The following USP34 variants were observed in gnomAD, a reference collection of about 807,000 sequenced individuals.
The protein encoded by USP34 is ubiquitin carboxyl-terminal hydrolase 34.
In USP34, 70 loss-of-function variants were observed where a neutral mutation model predicts 460.3. The ratio of observed to expected loss-of-function variants is 0.15; its 90% confidence interval spans 0.13 to 0.19. The LOEUF is 0.19. Among genes scored for constraint, USP34 ranks in the 10% least tolerant of loss-of-function variants. The probability of loss-of-function intolerance (pLI) is 1.00; values close to 1 mark genes in which losing one functional copy is unlikely to be tolerated. For missense variants in USP34, 3,985 were observed against 4,236.2 expected (o/e 0.94, Z 1.65); for synonymous variants, 1,647 against 1,405.3 (o/e 1.17, Z -3.85).
intron 2 of USP34, among the ~76,000 whole-genome samples, chr2:61,408,038 C>T (rs1328802633): frequency 6.6e-5 from 10 of 152,138 alleles, no homozygotes; most frequent in South Asian, 4.2e-4. Flanking sequence ...TCACTTGAAC[C>T]GGGGAAACAA....
chr2:61,364,973 G>A (rs1263884150), intron 10 of USP34, among the ~76,000 whole-genome samples: 2 of 150,022 alleles, frequency 1.3e-5, no homozygotes, highest in East Asian at 3.9e-4. Context: ...AAATAAATAG[G>A]CTGGGTGTGG....
chr2:61,211,057 CCT>C (rs2103785607), intron 69 of USP34, among the ~76,000 whole-genome samples: 1 of 152,068 alleles, frequency 6.6e-6, no homozygotes, highest in Non-Finnish European at 1.5e-5. Context: ...AGTTAATTTC[CCT>C]GTTTACTAAT....
At chr2:61,282,992 T>C (rs1440898157) in intron 37 of USP34, among the ~76,000 whole-genome samples, 153 bp downstream of exon 37, 2 of 152,204 alleles carry the variant, frequency 1.3e-5, no homozygotes, top group East Asian at 3.8e-4. Context: ...TTGTACATAG[T>C]TCAAAACACT....
chr2:61,226,465 T>A (rs979295810), intron 62 of USP34, among the ~76,000 whole-genome samples: 9 of 151,776 alleles, frequency 5.9e-5, no homozygotes, highest in African/African-American at 1.2e-4. Flanking sequence ...ACATACACAC[T>A]CTCTCTCTCT....
At chr2:61,309,998 T>C (rs1041771293) in intron 27 of USP34, among the ~76,000 whole-genome samples, 20 of 150,928 alleles carry the variant, frequency 1.3e-4, no homozygotes, top group Non-Finnish European at 2.1e-4. Context: ...TTCACAAAAC[T>C]AAATAAAAAC....
At chr2:61,285,837 T>A (rs891721060) in intron 34 of USP34, among the ~76,000 whole-genome samples, 4 of 152,212 alleles carry the variant, frequency 2.6e-5, no homozygotes, top group African/African-American at 9.6e-5. Flanking sequence ...GGCTACATGA[T>A]CCTAATATAT....
intron 8 of USP34, among the ~76,000 whole-genome samples, chr2:61,376,071 C>T (rs1048537367): frequency 6.6e-6 from 1 of 152,020 alleles, no homozygotes; most frequent in East Asian, 1.9e-4. Flanking sequence ...GTACTGGCTA[C>T]AAATGGGCAA....
intron 1 of USP34, among the ~76,000 whole-genome samples, chr2:61,445,960 A>G (rs1300834003): frequency 6.6e-6 from 1 of 151,642 alleles, no homozygotes; most frequent in Non-Finnish European, 1.5e-5. Flanking sequence ...AAAAAAAAAA[A>G]GTAATTAGTC....
In USP34 at chr2:61,429,434, G is replaced by A. The variant is rs371462629; in HGVS notation, c.44-8601C>T. ...TGCACTCCAGCCTGGGCAACAGAGC[G>A]AGACTCCGTCTCAAAAAATAAAATA... On this transcript the variant is annotated intron_variant, in intron 1 of 79. Coordinates refer to ENST00000398571, the MANE Select transcript of USP34 (RefSeq NM_014709.4). Among the ~76,000 whole-genome samples, 219 of 152,262 alleles carry A rather than the reference G, an allele frequency of 1.4e-3. 1 individual carries two copies. Among genetic ancestry groups the A allele is most frequent in the African/African-American group, 4.5e-3 (188 of 41,570 alleles).
At chr2:61,424,333 G>C (rs1289338550) in intron 1 of USP34, among the ~76,000 whole-genome samples, 1 of 152,154 alleles carries the variant, frequency 6.6e-6, no homozygotes, top group Non-Finnish European at 1.5e-5. Context: ...AAAAGGTACA[G>C]TAAAAATTAT....
intron 20 of USP34, 59 bp downstream of exon 20, chr2:61,331,214 AATC>A: frequency 2.1e-6 from 3 of 1,398,646 alleles, no homozygotes; most frequent in Non-Finnish European, 2.0e-6. Flanking sequence ...AACACTGGAA[AATC>A]ATCTTTCAAA....
intron 57 of USP34, among the ~76,000 whole-genome samples, chr2:61,235,285 A>T (rs1404260427): frequency 6.6e-6 from 1 of 150,524 alleles, no homozygotes; most frequent in Non-Finnish European, 1.5e-5. Context: ...TTCTATACAT[A>T]GTTTTCCTTC....
chr2:61,426,605 C>T lies in USP34; in HGVS notation c.44-5772G>A, dbSNP rs376711178. Reference sequence around the variant, plus strand: ...CTAGTATCTTAACTCCCAGACAACACTTCTGGACCCACCTGGGGTCTAGAG... The same window carrying T: ...CTAGTATCTTAACTCCCAGACAACATTTCTGGACCCACCTGGGGTCTAGAG... On this transcript the variant is annotated intron_variant, in intron 1 of 79. Coordinates refer to ENST00000398571, the MANE Select transcript of USP34 (RefSeq NM_014709.4). Among the ~76,000 whole-genome samples the T allele has an allele frequency of 2.4e-4, 37 of 152,346 alleles. No individual in the cohort carries two copies. The East Asian group carries it at 5.4e-3, about 22-fold the overall frequency.
In USP34 at chr2:61,265,175, T is replaced by C. The variant is rs912772968; in HGVS notation, c.5778+222A>G. The C allele has an allele frequency of 3.5e-5, 18 of 507,676 alleles. 1 individual carries two copies. The highest frequency in any genetic ancestry group is 5.9e-5 in the African/African-American group (3 of 51,168). The allele number at this position is 507,676 out of a possible 1,614,324, so 31.4% of individuals were successfully genotyped here. ...GTATACACTGAGCATGCATATTCCATAGCTGTGTTTTCCTTTGAGAACTAA... is the reference window on the plus strand; with the variant it reads ...GTATACACTGAGCATGCATATTCCACAGCTGTGTTTTCCTTTGAGAACTAA... On this transcript the variant is annotated intron_variant, in intron 43 of 79. Coordinates refer to ENST00000398571, the MANE Select transcript of USP34 (RefSeq NM_014709.4).
chr2:61,256,407 C>T lies in USP34; in HGVS notation c.6198G>A (p.Gly2066=). ...GDNMYTCSHC[G]KKVRAEKRAC... ...ACCTTTTTTCAGCTCGTACTTTCTT[C>T]CCACAATGAGAACAAGTATACATGT... Residue 2066 remains glycine (G), a synonymous_variant, in exon 48 of 80, where the codon GGG becomes GGA. Transcript: ENST00000398571. 6.2e-7 allele frequency: 1 copy of T among 1,612,226 alleles called. No individual in the cohort carries two copies. Among genetic ancestry groups the T allele is most frequent in the East Asian group, 2.2e-5 (1 of 44,692 alleles).
chr2:61,335,150 G>A (rs935321607), intron 18 of USP34, among the ~76,000 whole-genome samples: 2 of 152,136 alleles, frequency 1.3e-5, no homozygotes, highest in Non-Finnish European at 2.9e-5. Context: ...TTGGCCTGGT[G>A]ATAATAATTT....
At chr2:61,317,839 A>C (rs1690797227) in intron 22 of USP34, 72 bp from the exon 23 acceptor site, 2 of 1,121,502 alleles carry the variant, frequency 1.8e-6, no homozygotes, top group Admixed American at 4.6e-5. Context: ...AATTTAAATA[A>C]ACTTTACTGA....
chr2:61,347,762 T>C (rs1691816051), intron 15 of USP34, 108 bp downstream of exon 15: 2 of 1,501,212 alleles, frequency 1.3e-6, no homozygotes, highest in African/African-American at 1.4e-5. Context: ...GTTTGCACTA[T>C]ACTACTAATG....
At chr2:61,458,672 G>A (rs1056010726) in intron 1 of USP34, among the ~76,000 whole-genome samples, 3 of 148,842 alleles carry the variant, frequency 2.0e-5, no homozygotes, top group Non-Finnish European at 4.4e-5. Flanking sequence ...AGCTAGCAGA[G>A]GCTAAGTCAT....
Sources: allele counts gnomAD v4.1 joint callset (sites outside exome capture counted in the v4.1 genomes callset), GRCh38; gene constraint gnomAD v4.1.1; transcripts MANE v1.5; gene names NCBI Gene and HGNC (gene_info 2026-07-23, HGNC 2026-07-21).